The following CDH13 variants were observed in gnomAD, a reference collection of about 807,000 sequenced individuals.
CDH13 encodes the protein cadherin 13, also known as cadherin-13.
A neutral mutation model predicts 63.8 loss-of-function variants in CDH13; 24 were observed. That is an observed-to-expected ratio of 0.38 (90% CI 0.27 to 0.53). The LOEUF is 0.53. CDH13 is among the 20% of genes least tolerant of loss of function. The probability of loss-of-function intolerance (pLI) is 0.85; values close to 1 mark genes in which losing one functional copy is unlikely to be tolerated. For missense variants in CDH13, 1,049 were observed against 903.1 expected (o/e 1.16, Z -2.07); for synonymous variants, 503 against 355.3 (o/e 1.42, Z -4.67).
chr16:83,378,619 A>G (rs942198963), intron 6 of CDH13, among the ~76,000 whole-genome samples: 1 of 152,138 alleles, frequency 6.6e-6, no homozygotes, highest in African/African-American at 2.4e-5. Flanking sequence ...TGATCCAGTT[A>G]TTGCTGGACT....
chr16:83,582,473 A>G (rs1173785361), intron 7 of CDH13, among the ~76,000 whole-genome samples: 1 of 151,926 alleles, frequency 6.6e-6, no homozygotes, highest in East Asian at 1.9e-4. Flanking sequence ...CAAATCACAC[A>G]TGTTTCTAGT....
chr16:83,269,934 G>A (rs888544488), intron 5 of CDH13, among the ~76,000 whole-genome samples: 1 of 152,168 alleles, frequency 6.6e-6, no homozygotes, highest in Non-Finnish European at 1.5e-5. Context: ...ATTGATTGCG[G>A]CTAGATTTAC....
chr16:83,340,326 G>GTGTA (rs1262826532), intron 5 of CDH13, among the ~76,000 whole-genome samples: 1 of 151,894 alleles, frequency 6.6e-6, no homozygotes, highest in Non-Finnish European at 1.5e-5. Flanking sequence ...GTGTGTGTGT[G>GTGTA]TATGTGCGCA....
intron 6 of CDH13, among the ~76,000 whole-genome samples, chr16:83,370,405 C>A (rs1024075505): frequency 4.0e-4 from 59 of 148,388 alleles, no homozygotes; most frequent in African/African-American, 1.4e-3. Context: ...AAAAAAAAAA[C>A]TTCCATATTT....
intron 3 of CDH13, among the ~76,000 whole-genome samples, chr16:83,045,701 A>G (rs1403307497): frequency 6.6e-6 from 1 of 151,316 alleles, no homozygotes; most frequent in Non-Finnish European, 1.5e-5. Context: ...ATCTCCAATG[A>G]TGAGAAAATA....
At chr16:82,635,922 T>A (rs1384222442) in intron 1 of CDH13, among the ~76,000 whole-genome samples, 2 of 152,052 alleles carry the variant, frequency 1.3e-5, no homozygotes, top group Non-Finnish European at 2.9e-5. Context: ...CTGCTTGCTG[T>A]GTGAAGACGT....
chr16:83,092,318 A>T (rs2033955000), intron 3 of CDH13, among the ~76,000 whole-genome samples: 1 of 152,200 alleles, frequency 6.6e-6, no homozygotes, highest in Non-Finnish European at 1.5e-5. Flanking sequence ...GATTTGTATA[A>T]CCTTTGTCTT....
At chr16:82,706,531 TG>T (rs1188331512) in intron 1 of CDH13, among the ~76,000 whole-genome samples, 8 of 152,016 alleles carry the variant, frequency 5.3e-5, no homozygotes, top group East Asian at 1.9e-4. Flanking sequence ...TACAGTTCTC[TG>T]TAATGTTCAG....
intron 10 of CDH13, among the ~76,000 whole-genome samples, chr16:83,691,463 C>T (rs1297601040): frequency 6.6e-6 from 1 of 152,142 alleles, no homozygotes; most frequent in Non-Finnish European, 1.5e-5. Context: ...AGGAGTGGCC[C>T]TGCCTGGTGC....
intron 2 of CDH13, among the ~76,000 whole-genome samples, chr16:83,015,035 T>A (rs1459042458): frequency 2.0e-5 from 3 of 151,210 alleles, no homozygotes; most frequent in African/African-American, 7.3e-5. Context: ...AAGCAATCTA[T>A]ATAAACTGAT....
At chr16:83,020,018 A>G (rs1410528623) in intron 2 of CDH13, among the ~76,000 whole-genome samples, 1 of 152,120 alleles carries the variant, frequency 6.6e-6, no homozygotes, top group African/African-American at 2.4e-5. Flanking sequence ...TGAGTAATGC[A>G]TTGCACTCTG....
At chr16:82,778,126 C>T (rs1420299392) in intron 1 of CDH13, among the ~76,000 whole-genome samples, 1 of 152,188 alleles carries the variant, frequency 6.6e-6, no homozygotes, top group African/African-American at 2.4e-5. Context: ...GAGCCAGCCA[C>T]TGCCTACTAC....
At chr16:82,772,661 C>T (rs933368225) in intron 1 of CDH13, among the ~76,000 whole-genome samples, 1 of 152,048 alleles carries the variant, frequency 6.6e-6, no homozygotes, top group African/African-American at 2.4e-5. Flanking sequence ...TTCATAGGAG[C>T]CCTAGGAGGT....
intron 7 of CDH13, among the ~76,000 whole-genome samples, chr16:83,543,651 G>A (rs935696033): frequency 6.6e-6 from 1 of 152,152 alleles, no homozygotes; most frequent in African/African-American, 2.4e-5. Context: ...CTCCTCAGGG[G>A]ACAGACATTA....
intron 3 of CDH13, among the ~76,000 whole-genome samples, chr16:83,087,320 G>C (rs943167576): frequency 6.6e-6 from 1 of 152,176 alleles, no homozygotes; most frequent in East Asian, 1.9e-4. Context: ...TATATAAAAA[G>C]CTAGCAAGGT....
intron 2 of CDH13, among the ~76,000 whole-genome samples, chr16:82,982,369 C>T (rs1478351519): frequency 6.6e-6 from 1 of 152,046 alleles, no homozygotes; most frequent in Non-Finnish European, 1.5e-5. Context: ...TAAAAAATTA[C>T]CCCAAACTTA....
At chr16:82,678,296 A>G (rs1914163692) in intron 1 of CDH13, among the ~76,000 whole-genome samples, 1 of 150,136 alleles carries the variant, frequency 6.7e-6, no homozygotes, top group African/African-American at 2.5e-5. Flanking sequence ...TTTAAAATGC[A>G]AATGCATGGC....
At chr16:83,521,109 A>T (rs898968509) in intron 7 of CDH13, among the ~76,000 whole-genome samples, 1 of 152,248 alleles carries the variant, frequency 6.6e-6, no homozygotes, top group Non-Finnish European at 1.5e-5. Context: ...TAGGTAAGAC[A>T]TACCCCATCA....
chr16:83,687,466 CA>C (rs1199708928), intron 10 of CDH13, among the ~76,000 whole-genome samples: 1 of 152,108 alleles, frequency 6.6e-6, no homozygotes, highest in Non-Finnish European at 1.5e-5. Flanking sequence ...CACTTTTAAA[CA>C]ACCAGATCAC....
Sources: gnomAD v4.1 joint callset for allele counts (sites outside exome capture counted in the v4.1 genomes callset) on GRCh38, gnomAD v4.1.1 for gene constraint, MANE v1.5 for transcripts, NCBI Gene and HGNC (gene_info 2026-07-23, HGNC 2026-07-21) for gene names.